KCNH7: variants seen among roughly 807,000 people sequenced by gnomAD.
KCNH7 encodes the protein voltage-gated inwardly rectifying potassium channel KCNH7.
In KCNH7, 49 loss-of-function variants were observed where a neutral mutation model predicts 120.8. The ratio of observed to expected loss-of-function variants is 0.41; its 90% confidence interval spans 0.32 to 0.51. The LOEUF is 0.51. Ranked by LOEUF, KCNH7 falls within the 20% of genes least tolerant of loss-of-function variation. The pLI is 0.38. For synonymous variants in KCNH7, 547 were observed against 516.1 expected (o/e 1.06, Z -0.81); for missense variants, 1,097 against 1,446.6 (o/e 0.76, Z 3.92).
intron 2 of KCNH7, among the ~76,000 whole-genome samples, chr2:162,658,907 G>T (rs4667811): frequency 0.091 from 13,906 of 152,096 alleles, 793 homozygotes; most frequent in East Asian, 0.25. Flanking sequence ...AGACAATAAT[G>T]CCATCTGCAA....
intron 2 of KCNH7, among the ~76,000 whole-genome samples, chr2:162,813,668 C>G (rs1684813489): frequency 6.6e-6 from 1 of 152,138 alleles, no homozygotes; most frequent in African/African-American, 2.4e-5. Context: ...GGAAAACTTC[C>G]TTTTAATATT....
chr2:162,440,088 AT>A (rs1382467596), intron 7 of KCNH7, among the ~76,000 whole-genome samples: 2 of 151,738 alleles, frequency 1.3e-5, no homozygotes, highest in African/African-American at 2.4e-5. Flanking sequence ...AAGAAAAAAT[AT>A]TTTGTTCAAA....
At chr2:162,391,149 T>A (rs1439956676) in intron 12 of KCNH7, among the ~76,000 whole-genome samples, 1 of 152,036 alleles carries the variant, frequency 6.6e-6, no homozygotes, top group Non-Finnish European at 1.5e-5. Context: ...CACTCTTGAA[T>A]GCCTGCCTTC....
intron 6 of KCNH7, among the ~76,000 whole-genome samples, chr2:162,463,285 C>T (rs1408774027): frequency 3.3e-5 from 5 of 152,110 alleles, no homozygotes; most frequent in Non-Finnish European, 7.4e-5. Flanking sequence ...AAGGTGTCTT[C>T]CACACAGTCA....
At chr2:162,468,321 A>G (rs1399199699) in intron 6 of KCNH7, among the ~76,000 whole-genome samples, 1 of 149,404 alleles carries the variant, frequency 6.7e-6, no homozygotes, top group African/African-American at 2.6e-5. Context: ...TAAAAATCTC[A>G]ATACAATCTG....
intron 8 of KCNH7, among the ~76,000 whole-genome samples, chr2:162,430,485 G>T (rs779396954): frequency 6.6e-6 from 1 of 151,900 alleles, no homozygotes; most frequent in African/African-American, 2.4e-5. Context: ...TCTTAACTCC[G>T]TAAGACTGCT....
chr2:162,664,406 C>T (rs1244646818), intron 2 of KCNH7, among the ~76,000 whole-genome samples: 1 of 152,134 alleles, frequency 6.6e-6, no homozygotes, highest in Non-Finnish European at 1.5e-5. Context: ...AGGTGCTATG[C>T]TGGATATCTT....
At chr2:162,424,490 A>T (rs954173129) in intron 8 of KCNH7, among the ~76,000 whole-genome samples, 2 of 152,230 alleles carry the variant, frequency 1.3e-5, no homozygotes, top group African/African-American at 4.8e-5. Flanking sequence ...AAACTGAGAG[A>T]TATGGTAACA....
chr2:162,702,559 T>C (rs1430780946), intron 2 of KCNH7, among the ~76,000 whole-genome samples: 1 of 152,186 alleles, frequency 6.6e-6, no homozygotes, highest in African/African-American at 2.4e-5. Context: ...CCATGATATA[T>C]TGTCTGTCAA....
At chr2:162,728,298 T>G in intron 2 of KCNH7, among the ~76,000 whole-genome samples, 1 of 152,238 alleles carries the variant, frequency 6.6e-6, no homozygotes, top group South Asian at 2.1e-4. Flanking sequence ...TTTGTATTCT[T>G]CTTTGGTGAA....
At chr2:162,763,728 A>AGT (rs72350942) in intron 2 of KCNH7, among the ~76,000 whole-genome samples, 2,139 of 139,270 alleles carry the variant, frequency 0.015, 27 homozygotes, top group Admixed American at 0.03. Flanking sequence ...AGGCATTTGC[A>AGT]GTGTGTGTGT....
intron 2 of KCNH7, among the ~76,000 whole-genome samples, chr2:162,621,580 C>T (rs781326186): frequency 6.6e-6 from 1 of 151,904 alleles, no homozygotes; most frequent in Non-Finnish European, 1.5e-5. Context: ...AATAAAACCA[C>T]GTAGAATTAT....
At chr2:162,822,621 C>T (rs938278149) in intron 2 of KCNH7, among the ~76,000 whole-genome samples, 25 of 152,124 alleles carry the variant, frequency 1.6e-4, no homozygotes, top group Non-Finnish European at 1.3e-4. Flanking sequence ...CAAACGGAAA[C>T]TTGGTTAAGA....
intron 2 of KCNH7, among the ~76,000 whole-genome samples, chr2:162,707,917 T>C (rs1488808695): frequency 6.6e-6 from 1 of 152,040 alleles, no homozygotes; most frequent in African/African-American, 2.4e-5. Context: ...GCTTCCTCAT[T>C]TTCATCTAAA....
At chr2:162,660,798 C>T (rs922686301) in intron 2 of KCNH7, among the ~76,000 whole-genome samples, 2 of 152,056 alleles carry the variant, frequency 1.3e-5, no homozygotes, top group Non-Finnish European at 2.9e-5. Flanking sequence ...CTAACACAAC[C>T]TTTAAAATGG....
rs1574271399 is a variant in KCNH7, at chr2:162,691,069, C to A, written c.307+145468G>T. On this transcript the variant is annotated intron_variant, in intron 2 of 15. Coordinates refer to ENST00000332142, the MANE Select transcript of KCNH7 (RefSeq NM_033272.4). ...TGATAGGGACTGACTACTAAATTAA[C>A]CAACAATAACAACAATCAGATAGCT... is the stretch of plus-strand genomic sequence containing the variant. Among the ~76,000 whole-genome samples, 3 of 152,258 alleles carry A rather than the reference C, an allele frequency of 2.0e-5. No homozygotes were observed. In the Middle Eastern group the frequency reaches 0.01, roughly 518 times the overall value.
At chr2:162,766,859 C>G (rs1360829470) in intron 2 of KCNH7, among the ~76,000 whole-genome samples, 1 of 138,182 alleles carries the variant, frequency 7.2e-6, no homozygotes, top group Admixed American at 7.3e-5. Flanking sequence ...ATGTTCTAAG[C>G]ACATTACACA....
intron 2 of KCNH7, among the ~76,000 whole-genome samples, chr2:162,737,463 A>G (rs1687953471): frequency 1.3e-5 from 2 of 152,162 alleles, no homozygotes; most frequent in African/African-American, 4.8e-5. Context: ...ATTTGAGGAA[A>G]GAGTCAAGGT....
intron 2 of KCNH7, among the ~76,000 whole-genome samples, chr2:162,713,077 A>C (rs57383471): frequency 0.022 from 3,333 of 152,152 alleles, 67 homozygotes; most frequent in East Asian, 0.12. Context: ...GGCACCCACC[A>C]CCACACCCAG....
Sources: allele counts gnomAD v4.1 joint callset (sites outside exome capture counted in the v4.1 genomes callset), GRCh38; gene constraint gnomAD v4.1.1; transcripts MANE v1.5; gene names NCBI Gene and HGNC (gene_info 2026-07-23, HGNC 2026-07-21).